Variants in CAMTA1 observed in about 807,000 individuals in gnomAD.
CAMTA1 encodes calmodulin binding transcription activator 1, also known as calmodulin-binding transcription activator 1.
In CAMTA1, 27 loss-of-function variants were observed where a neutral mutation model predicts 170.9. The observed-to-expected ratio is 0.16, with a 90% CI of 0.12 to 0.22. CAMTA1 has a LOEUF of 0.22. CAMTA1 is among the 10% of genes least tolerant of loss of function. The probability of loss-of-function intolerance (pLI) is 1.00; values close to 1 mark genes in which losing one functional copy is unlikely to be tolerated. For synonymous variants in CAMTA1, 833 were observed against 891.5 expected, an observed-to-expected ratio of 0.93 and a Z score of 1.17; for missense variants, 1,619 against 2,217.2, an observed-to-expected ratio of 0.73 and a Z score of 5.42.
chr1:7,444,606 C>T (rs1333632381), intron 5 of CAMTA1, among the ~76,000 whole-genome samples: 1 of 152,178 alleles, frequency 6.6e-6, no homozygotes, highest in South Asian at 2.1e-4. Flanking sequence ...AGGTCTTGGC[C>T]CTGCTGATGA....
intron 7 of CAMTA1, among the ~76,000 whole-genome samples, chr1:7,650,047 G>A (rs775465803): frequency 2.6e-5 from 4 of 152,192 alleles, no homozygotes; most frequent in Admixed American, 1.3e-4. Context: ...ACACCAGGAG[G>A]CACCTGAGTC....
chr1:7,645,613 G>C (rs1159333961), intron 7 of CAMTA1, among the ~76,000 whole-genome samples: 2 of 152,244 alleles, frequency 1.3e-5, no homozygotes, highest in Non-Finnish European at 2.9e-5. Context: ...CTTCCTGCAG[G>C]CTTCGAAGGC....
chr1:7,604,503 G>C (rs550629243), intron 6 of CAMTA1, among the ~76,000 whole-genome samples: 128 of 152,276 alleles, frequency 8.4e-4, no homozygotes, highest in South Asian at 5.0e-3. Flanking sequence ...TCATCACATA[G>C]TTCTGAGGCC....
rs540068479 is a variant in CAMTA1, at chr1:7,461,159, C to T, written c.439-6671C>T. 1.4e-4 allele frequency among the ~76,000 whole-genome samples: 21 copies of T among 152,292 alleles called. No homozygotes were observed. In the South Asian group the frequency reaches 3.7e-3, roughly 27 times the overall value. ...GAGGGGAGCTCAGGAATGAGCTTTG[C>T]CATCACAGGCACAGAAGGCTCTGGG... On this transcript the variant is annotated intron_variant, in intron 5 of 22. Coordinates refer to ENST00000303635, the MANE Select transcript of CAMTA1 (RefSeq NM_015215.4).
At chr1:7,409,803 C>T (rs973363144) in intron 5 of CAMTA1, among the ~76,000 whole-genome samples, 2 of 152,210 alleles carry the variant, frequency 1.3e-5, no homozygotes, top group Non-Finnish European at 2.9e-5. Flanking sequence ...CAACTCCTCA[C>T]CTCATTTTTC....
At chr1:6,807,123 T>C in intron 1 of CAMTA1, 2 of 541,200 alleles carry the variant, frequency 3.7e-6, no homozygotes, top group East Asian at 3.0e-5. Context: ...ATTTGACTAA[T>C]CTGCAAGGTT....
At position 7,249,161 on chromosome 1, in the gene CAMTA1, T is replaced by C. The variant is rs1666267902; in HGVS notation, c.303-330T>C. On this transcript the variant is annotated intron_variant, in intron 4 of 22. Coordinates refer to ENST00000303635, the MANE Select transcript of CAMTA1 (RefSeq NM_015215.4). This position sits in a 1 kb window ranked among gnomAD's most constrained non-coding sequence, Gnocchi z 4.4. Reference sequence around the variant, plus strand: ...CTGCCACGACACCCCTGGCTCTTTTTGCTTTCTGTCTCTGTTTTGCCTACT... The same window carrying C: ...CTGCCACGACACCCCTGGCTCTTTTCGCTTTCTGTCTCTGTTTTGCCTACT... Among the ~76,000 whole-genome samples, 1 of 152,168 alleles carries C rather than the reference T, an allele frequency of 6.6e-6. No individual in the cohort carries two copies. Among genetic ancestry groups the C allele is most frequent in the Non-Finnish European group, 1.5e-5 (1 of 68,038 alleles).
intron 3 of CAMTA1, among the ~76,000 whole-genome samples, chr1:6,943,231 C>A (rs954681581): frequency 6.6e-6 from 1 of 152,076 alleles, no homozygotes; most frequent in Non-Finnish European, 1.5e-5. Context: ...CCCTGACCGT[C>A]CTCACCTGGC....
chr1:7,284,999 C>A (rs1344622191), intron 5 of CAMTA1, among the ~76,000 whole-genome samples: 1 of 152,206 alleles, frequency 6.6e-6, no homozygotes, highest in African/African-American at 2.4e-5. Context: ...CTCTGGGAAA[C>A]CCATTGGTTT....
intron 6 of CAMTA1, among the ~76,000 whole-genome samples, chr1:7,503,283 C>T (rs1403547565): frequency 6.6e-6 from 1 of 152,222 alleles, no homozygotes; most frequent in African/African-American, 2.4e-5. Context: ...GCCCTCCCGC[C>T]TGGGTTTTTG....
At chr1:7,519,311 T>C (rs2094329031) in intron 6 of CAMTA1, among the ~76,000 whole-genome samples, 1 of 151,748 alleles carries the variant, frequency 6.6e-6, no homozygotes, top group Non-Finnish European at 1.5e-5. Flanking sequence ...ACAGGGGAAG[T>C]CTTAGCCAGA....
At chr1:7,232,454 A>G (rs1343583060) in intron 4 of CAMTA1, among the ~76,000 whole-genome samples, 5 of 152,244 alleles carry the variant, frequency 3.3e-5, no homozygotes, top group Admixed American at 3.3e-4. Flanking sequence ...TTCCTAGACA[A>G]AACAATTCTA....
chr1:7,424,389 C>T (rs747634142), intron 5 of CAMTA1, among the ~76,000 whole-genome samples: 3 of 143,214 alleles, frequency 2.1e-5, no homozygotes, highest in Admixed American at 7.3e-5. Context: ...TTTTGTATTG[C>T]GTGTCACAGT....
intron 2 of CAMTA1, among the ~76,000 whole-genome samples, chr1:6,820,900 G>T (rs1341233163): frequency 1.3e-5 from 2 of 152,174 alleles, no homozygotes; most frequent in Non-Finnish European, 2.9e-5. Flanking sequence ...TGAAGTGATG[G>T]CTTACAGGGC....
intron 3 of CAMTA1, among the ~76,000 whole-genome samples, chr1:6,885,621 A>G (rs1269071968): frequency 6.6e-6 from 1 of 152,144 alleles, no homozygotes; most frequent in East Asian, 1.9e-4. Context: ...CATGCATGCC[A>G]TTGCTCTGGT....
At chr1:7,502,635 C>G (rs1444948888) in intron 6 of CAMTA1, among the ~76,000 whole-genome samples, 3 of 152,132 alleles carry the variant, frequency 2.0e-5, no homozygotes, top group African/African-American at 7.2e-5. Context: ...AGTGGGGGGG[C>G]CTCTGGCCTT....
chr1:7,541,375 A>T (rs2094609274), intron 6 of CAMTA1, among the ~76,000 whole-genome samples: 1 of 152,170 alleles, frequency 6.6e-6, no homozygotes, highest in Non-Finnish European at 1.5e-5. Context: ...ATAATTATTG[A>T]TGGGAACTGG....
intron 1 of CAMTA1, among the ~76,000 whole-genome samples, chr1:6,794,813 A>G (rs1210326333): frequency 1.3e-5 from 2 of 152,120 alleles, no homozygotes; most frequent in African/African-American, 2.4e-5. Flanking sequence ...GCCACTTTTA[A>G]TAGTTCTAAG....
intron 6 of CAMTA1, among the ~76,000 whole-genome samples, chr1:7,559,963 C>A (rs995123754): frequency 6.6e-6 from 1 of 152,200 alleles, no homozygotes; most frequent in Non-Finnish European, 1.5e-5. Context: ...CTCTGCTGTT[C>A]TTAGGAAACC....
Sources: allele counts gnomAD v4.1 joint callset (sites outside exome capture counted in the v4.1 genomes callset), GRCh38; gene constraint gnomAD v4.1.1; non-coding constraint Gnocchi (gnomAD v3.1); transcripts MANE v1.5; gene names NCBI Gene and HGNC (gene_info 2026-07-23, HGNC 2026-07-21).